Variants in TRHDE observed in about 807,000 individuals in gnomAD.
The protein encoded by TRHDE is thyrotropin releasing hormone degrading enzyme.
Under a neutral mutation model 125.7 loss-of-function variants are expected in TRHDE, and 72 were observed. The observed-to-expected ratio is 0.57, with a 90% CI of 0.47 to 0.70. The LOEUF (loss-of-function observed/expected upper bound fraction) is 0.70, where lower values mean the gene tolerates loss of function less well. Ranked by LOEUF, TRHDE falls within the 30% of genes least tolerant of loss-of-function variation. The pLI is 0.00. For synonymous variants in TRHDE, 509 were observed against 509.1 expected, an observed-to-expected ratio of 1.00 and a Z score of 0.00; for missense variants, 1,110 against 1,327.1, an observed-to-expected ratio of 0.84 and a Z score of 2.54.
intron 3 of TRHDE, chr12:72,431,576 G>A (rs1874480640): frequency 6.6e-6 from 1 of 151,260 alleles, no homozygotes; most frequent in African/African-American, 2.4e-5. Flanking sequence ...CTTATATTTA[G>A]GTACCTTTTG....
chr12:72,239,848 A>G (rs1878438926), intron 2 of TRHDE, among the ~76,000 whole-genome samples: 1 of 152,212 alleles, frequency 6.6e-6, no homozygotes, highest in African/African-American at 2.4e-5. Context: ...TCCATTACCT[A>G]AAGTAATGGA....
At position 72,526,872 on chromosome 12, in the gene TRHDE, G is replaced by C. The variant is rs545112716; in HGVS notation, c.1723-15419G>C. ...AAAATGATGAAGATACATATATTAA[G>C]AGTATTCGGGAAAATCAATAAAAGG... On this transcript the variant is annotated intron_variant, in intron 6 of 18. Coordinates refer to ENST00000261180, the MANE Select transcript of TRHDE (RefSeq NM_013381.3). Among the ~76,000 whole-genome samples, 8 of 152,222 alleles carry C rather than the reference G, an allele frequency of 5.3e-5. No individual in the cohort carries two copies. The South Asian group carries it at 1.7e-3, about 32-fold the overall frequency.
intron 15 of TRHDE, among the ~76,000 whole-genome samples, chr12:72,628,675 A>G (rs1267984029): frequency 1.3e-5 from 2 of 151,910 alleles, no homozygotes; most frequent in African/African-American, 4.8e-5. Context: ...ATATAGAAGA[A>G]AAATAATATA....
chr12:72,166,908 G>A (rs1212925681), intron 2 of TRHDE, among the ~76,000 whole-genome samples: 3 of 10,214 alleles, frequency 2.9e-4, no homozygotes, highest in Non-Finnish European at 7.4e-4. Context: ...GTAGATGAAC[G>A]TGTGTGTGTG....
At chr12:72,628,420 C>A (rs1196224997) in intron 15 of TRHDE, among the ~76,000 whole-genome samples, 1 of 151,860 alleles carries the variant, frequency 6.6e-6, no homozygotes, top group Non-Finnish European at 1.5e-5. Context: ...TTCACAACAT[C>A]TTTTCTCAAG....
At position 72,286,795 on chromosome 12, in the gene TRHDE, T is replaced by C. The variant is rs777244715; in HGVS notation, c.1029T>C (p.Tyr343=). ...TCAGCATCAAGCATCAAGCAACCTA[T>C]TTATCTTTATCTAATATGCCAGTGG... ...FKISIKHQAT[Y]LSLSNMPVET... is the part of the protein sequence containing the mutation. The change falls in exon 2 of 19, where the codon TAT becomes TAC. Residue 343 remains tyrosine (Y), a synonymous_variant. Transcript: ENST00000261180. The C allele has an allele frequency of 8.1e-6, 13 of 1,613,908 alleles. No homozygotes were observed. The highest frequency in any genetic ancestry group is 1.1e-5 in the Non-Finnish European group (13 of 1,179,982).
At chr12:72,317,190 C>T (rs896926976) in intron 2 of TRHDE, among the ~76,000 whole-genome samples, 1 of 152,108 alleles carries the variant, frequency 6.6e-6, no homozygotes, top group Non-Finnish European at 1.5e-5. Flanking sequence ...TGAATTTAGG[C>T]TGCTTCATTT....
chr12:72,512,220 C>T (rs1195739836), intron 6 of TRHDE, among the ~76,000 whole-genome samples: 2 of 151,668 alleles, frequency 1.3e-5, no homozygotes, highest in East Asian at 1.9e-4. Context: ...TCTGCTTTCA[C>T]GGCTTTCAGA....
At position 72,209,018 on chromosome 12, in the gene TRHDE, C is replaced by T. The variant is rs1345483058; in HGVS notation, n.279+103266C>T. On this transcript the variant is annotated intron_variant and non_coding_transcript_variant, in intron 2 of 4. Transcript: ENST00000548156. ...TGCGGCTCCGAGCCTGCTACCCCTG[C>T]CTTCTTGACCTTTTCAGATTGGCCT... Among the ~76,000 whole-genome samples the T allele has an allele frequency of 2.6e-5, 4 of 152,150 alleles. No homozygotes were observed. The East Asian group carries it at 7.7e-4, about 29-fold the overall frequency.
At chr12:72,250,528 A>T (rs975446098) in intron 2 of TRHDE, among the ~76,000 whole-genome samples, 1 of 152,172 alleles carries the variant, frequency 6.6e-6, no homozygotes, top group African/African-American at 2.4e-5. Flanking sequence ...TCAGAGAGTA[A>T]TCAGGAACCA....
chr12:72,165,546 TG>T (rs1876725495), intron 2 of TRHDE, among the ~76,000 whole-genome samples: 1 of 152,184 alleles, frequency 6.6e-6, no homozygotes, highest in African/African-American at 2.4e-5. Flanking sequence ...GGTAGATTTA[TG>T]TGTATATACT....
At chr12:72,572,247 A>G (rs1200321011) in intron 10 of TRHDE, among the ~76,000 whole-genome samples, 2 of 152,168 alleles carry the variant, frequency 1.3e-5, no homozygotes, top group Non-Finnish European at 2.9e-5. Context: ...ACCGGCAAAT[A>G]TTGCATAGAG....
chr12:72,478,912 T>A (rs1365824021), intron 5 of TRHDE, among the ~76,000 whole-genome samples: 14 of 138,288 alleles, frequency 1.0e-4, no homozygotes, highest in African/African-American at 3.1e-4. Context: ...ATATTAATAC[T>A]TTTTTTTAGC....
chr12:72,288,884 A>G (rs1485960829), intron 2 of TRHDE, among the ~76,000 whole-genome samples: 1 of 152,176 alleles, frequency 6.6e-6, no homozygotes, highest in Non-Finnish European at 1.5e-5. Context: ...ATGCTACCAG[A>G]GAACACTGAA....
intron 3 of TRHDE, among the ~76,000 whole-genome samples, chr12:72,449,495 T>C (rs1253542851): frequency 6.6e-6 from 1 of 151,528 alleles, no homozygotes; most frequent in Non-Finnish European, 1.5e-5. Context: ...AAAAGCTTTT[T>C]AAAACAATAG....
At chr12:72,463,573 T>C (rs377557817) in intron 3 of TRHDE, among the ~76,000 whole-genome samples, 5 of 152,150 alleles carry the variant, frequency 3.3e-5, no homozygotes, top group African/African-American at 1.2e-4. Context: ...CTTCTCACAC[T>C]TAGAGTGTGG....
intron 2 of TRHDE, among the ~76,000 whole-genome samples, chr12:72,358,589 G>C (rs1289064380): frequency 6.6e-6 from 1 of 151,348 alleles, no homozygotes; most frequent in African/African-American, 2.4e-5. Context: ...TGGGGTCAGC[G>C]CCTCTAACCC....
Position 72,379,338 on chromosome 12 carries a change from T to A in TRHDE, c.1315+1217T>A, listed in dbSNP as rs112645492. Among the ~76,000 whole-genome samples, 575 of 152,380 alleles carry A rather than the reference T, an allele frequency of 3.8e-3. 6 individuals carry two copies. The highest frequency in any genetic ancestry group is 0.013 in the African/African-American group (554 of 41,584). ...TTTAGAATTCATAGGCAAAATTTTATTTTAAACCGGATCAATGTTTTGTTT... is the reference window on the plus strand; with the variant it reads ...TTTAGAATTCATAGGCAAAATTTTAATTTAAACCGGATCAATGTTTTGTTT... On this transcript the variant is annotated intron_variant, in intron 3 of 18. Transcript: ENST00000261180.
intron 2 of TRHDE, among the ~76,000 whole-genome samples, chr12:72,287,267 T>C (rs56069982): frequency 0.018 from 2,714 of 152,234 alleles, 97 homozygotes; most frequent in African/African-American, 0.063. Flanking sequence ...TTTTGGAAAA[T>C]TGCCTGTTTG....
Sources: allele counts gnomAD v4.1 joint callset (sites outside exome capture counted in the v4.1 genomes callset), GRCh38; gene constraint gnomAD v4.1.1; transcripts MANE v1.5; gene names NCBI Gene and HGNC (gene_info 2026-07-23, HGNC 2026-07-21).